Variants in AGBL3 observed in about 807,000 individuals in gnomAD.
AGBL3 encodes AGBL carboxypeptidase 3.
A neutral mutation model predicts 94.5 loss-of-function variants in AGBL3; 68 were observed. The observed-to-expected ratio is 0.72, with a 90% CI of 0.59 to 0.88. AGBL3 has a LOEUF of 0.88. Among genes scored for constraint, AGBL3 ranks in the 40% least tolerant of loss-of-function variants. The pLI is 0.00. For missense variants in AGBL3, 934 were observed against 1,103.8 expected, an observed-to-expected ratio of 0.85 and a Z score of 2.18; for synonymous variants, 354 against 370.7, an observed-to-expected ratio of 0.95 and a Z score of 0.52.
At chr7:135,067,813 ACT>A (rs1316731445) in intron 12 of AGBL3, among the ~76,000 whole-genome samples, 1 of 152,186 alleles carries the variant, frequency 6.6e-6, no homozygotes, top group Admixed American at 6.5e-5. Flanking sequence ...AAAACTGGAA[ACT>A]CTAAAAATCA....
rs146873089 is a variant in AGBL3, at chr7:135,026,185, T to C, written c.419-6659T>C. Among the ~76,000 whole-genome samples, 351 of 147,082 alleles carry C rather than the reference T, an allele frequency of 2.4e-3. 1 individual carries two copies. Among genetic ancestry groups the C allele is most frequent in the African/African-American group, 7.8e-3 (319 of 40,914 alleles). On this transcript the variant is annotated intron_variant, in intron 5 of 16. Transcript: ENST00000436302. ...GCAAGACTCAATAAATTAAAAAAAATTGAAATCACCCCAAGCACATTCTCA... is the reference window on the plus strand; with the variant it reads ...GCAAGACTCAATAAATTAAAAAAAACTGAAATCACCCCAAGCACATTCTCA...
intron 4 of AGBL3, among the ~76,000 whole-genome samples, chr7:134,994,983 C>A (rs1205768066): frequency 2.0e-5 from 3 of 152,090 alleles, no homozygotes; most frequent in Non-Finnish European, 4.4e-5. Flanking sequence ...GCTACCACCC[C>A]CTCCAACCTC....
At position 135,080,144 on chromosome 7, in the gene AGBL3, T is replaced by C. The variant is rs1462983982; in HGVS notation, c.1981-59T>C. On this transcript the variant is annotated intron_variant, in intron 13 of 16. Transcript: ENST00000436302. The stretch of plus-strand genomic sequence containing the variant: ...ACAATACCATAAATCATATAGGAAA[T>C]ATACCCCATTTCATGTTGATAAAAT... 2.4e-6 allele frequency: 3 copies of C among 1,237,818 alleles called. No individual in the cohort carries two copies. The African/African-American group carries it at 4.5e-5, about 19-fold the overall frequency. The allele number at this position is 1,237,818 out of a possible 1,614,324, so 76.7% of individuals were successfully genotyped here.
chr7:135,004,205 C>A (rs184108034), intron 4 of AGBL3, among the ~76,000 whole-genome samples: 1 of 151,718 alleles, frequency 6.6e-6, no homozygotes, highest in East Asian at 1.9e-4. Context: ...TTATGATATT[C>A]TTCTCATTTG....
chr7:135,044,227 T>C, intron 9 of AGBL3, 76 bp downstream of exon 9: 2 of 1,365,298 alleles, frequency 1.5e-6, no homozygotes, highest in Non-Finnish European at 9.6e-7. Flanking sequence ...AATGTAACAG[T>C]ACAGACAATA....
intron 2 of AGBL3, among the ~76,000 whole-genome samples, chr7:134,988,930 G>A (rs1024095025): frequency 1.3e-4 from 20 of 152,126 alleles, no homozygotes; most frequent in Admixed American, 5.2e-4. Flanking sequence ...GAGCCGCCAC[G>A]CCCGGCCAAT....
At chr7:135,012,610 G>C (rs751061342) in intron 4 of AGBL3, 4 of 152,132 alleles carry the variant, frequency 2.6e-5, no homozygotes, top group African/African-American at 4.8e-5. Context: ...CAGTGGAACA[G>C]AGTAAAATGT....
chr7:135,131,602 G>A (rs986882212), intron 16 of AGBL3, among the ~76,000 whole-genome samples: 5 of 151,852 alleles, frequency 3.3e-5, no homozygotes, highest in African/African-American at 9.7e-5. Context: ...TAAAAAATGA[G>A]AAAACATCTG....
intron 12 of AGBL3, among the ~76,000 whole-genome samples, chr7:135,072,341 T>G (rs1820000051): frequency 1.3e-5 from 2 of 152,340 alleles, no homozygotes; most frequent in South Asian, 4.1e-4. Flanking sequence ...TCAACCATTG[T>G]GGAAGTCAGT....
chr7:135,110,707 T>A (rs1425624238), intron 15 of AGBL3, among the ~76,000 whole-genome samples: 1 of 152,212 alleles, frequency 6.6e-6, no homozygotes, highest in Non-Finnish European at 1.5e-5. Flanking sequence ...GATATTTCAG[T>A]TGAAGGTGTT....
At chr7:135,008,781 T>A (rs1812732328) in intron 4 of AGBL3, among the ~76,000 whole-genome samples, 1 of 152,182 alleles carries the variant, frequency 6.6e-6, no homozygotes, top group Non-Finnish European at 1.5e-5. Flanking sequence ...AAAGAACTCT[T>A]ACAACTCAAT....
At chr7:135,058,900 G>A (rs1257456522) in intron 11 of AGBL3, among the ~76,000 whole-genome samples, 1 of 152,090 alleles carries the variant, frequency 6.6e-6, no homozygotes, top group Non-Finnish European at 1.5e-5. Flanking sequence ...GGGATTACAG[G>A]CAAGTGCCAC....
At chr7:135,051,097 G>A (rs1217130516) in intron 11 of AGBL3, 2 of 415,592 alleles carry the variant, frequency 4.8e-6, no homozygotes, top group Non-Finnish European at 9.4e-6. Flanking sequence ...AAAATTCAAT[G>A]CCACAGGAAT....
At chr7:135,119,763 G>A (rs1458147099) in intron 16 of AGBL3, among the ~76,000 whole-genome samples, 3 of 152,140 alleles carry the variant, frequency 2.0e-5, no homozygotes, top group African/African-American at 7.2e-5. Context: ...TGTAGTTCCA[G>A]CTACTCTGGA....
intron 15 of AGBL3, among the ~76,000 whole-genome samples, chr7:135,095,800 C>CTT (rs1249239840): frequency 6.6e-6 from 1 of 152,178 alleles, no homozygotes; most frequent in African/African-American, 2.4e-5. Context: ...GAGCATCACT[C>CTT]TGAGTGGACG....
At chr7:135,105,294 T>G (rs561838492) in intron 15 of AGBL3, among the ~76,000 whole-genome samples, 28 of 151,794 alleles carry the variant, frequency 1.8e-4, no homozygotes, top group African/African-American at 6.5e-4. Flanking sequence ...GGTCTTGAAC[T>G]CCTGACCTCA....
At position 135,045,503 on chromosome 7, in the gene AGBL3, A is replaced by G. The variant is rs1384134622; in HGVS notation, c.1657A>G (p.Lys553Glu). 1 of 1,551,114 alleles carries G rather than the reference A, an allele frequency of 6.4e-7. No homozygotes were observed. Among genetic ancestry groups the G allele is most frequent in the African/African-American group, 1.4e-5 (1 of 73,004 alleles). ...CAAACGAGGCACTCATTTCAGCACG[A>G]AAGACCTGGAATCAATGGGATATCA... ...GNKRGTHFST[K>E]DLESMGYHFC... The change falls in exon 10 of 17, where the codon AAA (lysine) becomes GAA (glutamate). Residue 553 changes from lysine to glutamate, a missense_variant. Lys to Glu is a moderately conservative substitution (Grantham distance 56). This residue lies in a region of AGBL3 where 441 missense variants were observed against 518.2 expected (regional missense o/e 0.85). Coordinates refer to ENST00000436302, the MANE Select transcript of AGBL3 (RefSeq NM_178563.4).
intron 4 of AGBL3, among the ~76,000 whole-genome samples, chr7:135,015,858 C>CAAAAAAAAAAAA (rs780785475): frequency 9.1e-5 from 7 of 77,090 alleles, no homozygotes; most frequent in African/African-American, 1.5e-4. Flanking sequence ...ACTAAAAATA[C>CAAAAAAAAAAAA]AAAAAAAAGA....
At chr7:135,085,312 G>A (rs1032275268) in intron 15 of AGBL3, among the ~76,000 whole-genome samples, 1 of 152,050 alleles carries the variant, frequency 6.6e-6, no homozygotes, top group Non-Finnish European at 1.5e-5. Context: ...TTGATTATCT[G>A]TTGATTGGTT....
Sources: allele counts gnomAD v4.1 joint callset (sites outside exome capture counted in the v4.1 genomes callset), GRCh38; gene constraint gnomAD v4.1.1; regional missense constraint gnomAD v4.1.1; transcripts MANE v1.5; gene names NCBI Gene and HGNC (gene_info 2026-07-23, HGNC 2026-07-21).